TRIP12: variants seen among roughly 807,000 people sequenced by gnomAD.
TRIP12 encodes the protein E3 ubiquitin-protein ligase TRIP12.
Under a neutral mutation model 244.2 loss-of-function variants are expected in TRIP12, and 25 were observed. The ratio of observed to expected loss-of-function variants is 0.10; its 90% CI spans 0.07 to 0.14. The LOEUF (loss-of-function observed/expected upper bound fraction) is 0.14. Ranked by LOEUF, TRIP12 falls within the 10% of genes least tolerant of loss-of-function variation. The pLI, the probability that TRIP12 is intolerant of heterozygous loss-of-function variation, is 1.00. For synonymous variants in TRIP12, 905 were observed against 873.1 expected, an observed-to-expected ratio of 1.04 and a Z score of -0.64; for missense variants, 1,677 against 2,486.4, an observed-to-expected ratio of 0.67 and a Z score of 6.92.
chr2:229,878,703 C>T (rs551339858), intron 2 of TRIP12, among the ~76,000 whole-genome samples: 1 of 151,462 alleles, frequency 6.6e-6, no homozygotes, highest in African/African-American at 2.4e-5. Context: ...GCCTCAGCCT[C>T]CCGAGTAGCT....
chr2:229,890,443 T>C (rs1430225380), intron 1 of TRIP12, among the ~76,000 whole-genome samples: 1 of 152,226 alleles, frequency 6.6e-6, no homozygotes, highest in African/African-American at 2.4e-5. Context: ...AGGACGTCTA[T>C]TCCTGACTTA....
chr2:229,901,019 C>T (rs74839128), intron 1 of TRIP12, among the ~76,000 whole-genome samples: 3 of 151,150 alleles, frequency 2.0e-5, no homozygotes, highest in Non-Finnish European at 2.9e-5. Context: ...CTGCAACCTC[C>T]GTCTCCCGGG....
Position 229,778,744 on chromosome 2 carries a change from T to C in TRIP12, c.5209+132A>G. 5 of 1,335,788 alleles carry C rather than the reference T, an allele frequency of 3.7e-6. No homozygotes were observed. The highest frequency in any genetic ancestry group is 1.4e-5 in the South Asian group (1 of 72,008). 82.7% of individuals were successfully genotyped at this position (1,335,788 alleles called of 1,614,324 possible). A position where few individuals can be genotyped will look rare whatever the true frequency, so the allele number is the denominator to read the frequency against. ...AACTGGACAGGCCTTCCCTATTTGA[T>C]AAATGAGAAAACAGAGGCTAAAAGA... is the stretch of plus-strand genomic sequence containing the variant. On this transcript the variant is annotated intron_variant, in intron 35 of 41. Transcript: ENST00000675903. The surrounding 1 kb of genome is among the most constrained non-coding windows in gnomAD (Gnocchi z 4.1).
intron 39 of TRIP12, among the ~76,000 whole-genome samples, chr2:229,770,140 A>AT (rs975337031): frequency 5.3e-5 from 8 of 151,958 alleles, no homozygotes; most frequent in East Asian, 1.9e-4. Context: ...CCAGCTAATT[A>AT]TTTTTTTTAT....
chr2:229,781,481 G>A (rs979014755), intron 34 of TRIP12, among the ~76,000 whole-genome samples: 1 of 152,192 alleles, frequency 6.6e-6, no homozygotes, highest in Non-Finnish European at 1.5e-5. Flanking sequence ...GGACACTGAT[G>A]AGTTTATGTT....
intron 34 of TRIP12, among the ~76,000 whole-genome samples, chr2:229,781,057 T>C (rs1224606249): frequency 6.6e-6 from 1 of 152,232 alleles, no homozygotes; most frequent in Non-Finnish European, 1.5e-5. Flanking sequence ...CTGTTGTTTC[T>C]AAAAGGATTC....
At chr2:229,826,338 A>G (rs902257136) in intron 8 of TRIP12, among the ~76,000 whole-genome samples, 10 of 152,218 alleles carry the variant, frequency 6.6e-5, no homozygotes, top group African/African-American at 2.4e-4. Context: ...AAAAGAAGAT[A>G]AAGGCTCGAA....
chr2:229,852,699 C>T (rs2058947899), intron 4 of TRIP12, among the ~76,000 whole-genome samples: 1 of 152,190 alleles, frequency 6.6e-6, no homozygotes, highest in East Asian at 1.9e-4. Flanking sequence ...AGCTGGCAAG[C>T]AGCAATGCTT....
chr2:229,832,986 A>C (rs56323970), intron 6 of TRIP12, among the ~76,000 whole-genome samples: 8,881 of 152,264 alleles, frequency 0.058, 870 homozygotes, highest in African/African-American at 0.2. Flanking sequence ...CCATACATTA[A>C]AAAACAAACA....
rs534029110 is a variant in TRIP12, at chr2:229,813,812, A to T, written c.1986+58T>A. On this transcript the variant is annotated intron_variant, in intron 13 of 41. Transcript: ENST00000675903. Reference sequence around the variant, plus strand: ...AAAAATAAAATAAAATAAAATATAAAATTAAAAAAATTAGTAATAAAACAC... The same window carrying T: ...AAAAATAAAATAAAATAAAATATAATATTAAAAAAATTAGTAATAAAACAC... 111 of 1,221,956 alleles carry T rather than the reference A, an allele frequency of 9.1e-5. No homozygotes were observed. In the South Asian group the frequency reaches 3.0e-3, roughly 33 times the overall value. 75.7% of individuals were successfully genotyped at this position (1,221,956 alleles called of 1,614,324 possible).
chr2:229,869,051 A>G (rs935523664), intron 2 of TRIP12, among the ~76,000 whole-genome samples: 2 of 152,226 alleles, frequency 1.3e-5, no homozygotes, highest in Non-Finnish European at 2.9e-5. Flanking sequence ...AGGTATCTGA[A>G]TATCTGAATG....
At chr2:229,922,685 C>T, upstream of TRIP12, 1 of 1,495,378 alleles carries the variant, frequency 6.7e-7, no homozygotes. Context: ...GCAGGCTGTG[C>T]TAGGCCAAGA....
At chr2:229,847,228 C>CA (rs1299129450) in intron 4 of TRIP12, among the ~76,000 whole-genome samples, 1 of 152,206 alleles carries the variant, frequency 6.6e-6, no homozygotes, top group Non-Finnish European at 1.5e-5. Flanking sequence ...CACTCTATTA[C>CA]AAAGTGTTTA....
chr2:229,805,733 T>C lies in TRIP12; in HGVS notation c.2647A>G (p.Thr883Ala), dbSNP rs1236256927. The C allele has an allele frequency of 4.4e-6, 7 of 1,592,084 alleles. No individual in the cohort carries two copies. Among genetic ancestry groups the C allele is most frequent in the Non-Finnish European group, 6.0e-6 (7 of 1,162,758 alleles). Residue 883 changes from threonine to alanine, a missense_variant, in exon 18 of 42, where the codon ACT becomes GCT. Transcript: ENST00000675903. ...RKPNPLANSN[T>A]SGYSESKKDD... is the part of the protein sequence containing the mutation. ...TTTTAACTCAGAATGTACTTACTAG[T>C]GTTACTATTGGCTAACGGGTTAGGT... is the stretch of plus-strand genomic sequence containing the variant.
chr2:229,827,124 CAAA>C (rs2051872145), intron 8 of TRIP12, among the ~76,000 whole-genome samples: 1 of 151,710 alleles, frequency 6.6e-6, no homozygotes, highest in South Asian at 2.1e-4. Context: ...ACTAAAAATA[CAAA>C]AAATTAGCCA....
Position 229,905,728 on chromosome 2 carries a change from A to T in TRIP12, c.-50+16152T>A, listed in dbSNP as rs563809740. Reference sequence around the variant, plus strand: ...AGAAAGTAGTTTTGCAACTCAATGCATATTAAAAGCTGGGGGAGGAGGGTG... The same window carrying T: ...AGAAAGTAGTTTTGCAACTCAATGCTTATTAAAAGCTGGGGGAGGAGGGTG... On this transcript the variant is annotated intron_variant, in intron 1 of 41. Transcript: ENST00000675903. 1.4e-4 allele frequency among the ~76,000 whole-genome samples: 21 copies of T among 152,316 alleles called. No individual in the cohort carries two copies. The South Asian group carries it at 3.9e-3, about 29-fold the overall frequency.
chr2:229,912,559 A>T, intron 1 of TRIP12, among the ~76,000 whole-genome samples: 1 of 152,086 alleles, frequency 6.6e-6, no homozygotes, highest in East Asian at 1.9e-4. Context: ...CCATTCTTCT[A>T]TATCTTCCTC....
intron 9 of TRIP12, among the ~76,000 whole-genome samples, chr2:229,816,264 T>A (rs115399950): frequency 6.6e-6 from 1 of 152,008 alleles, no homozygotes; most frequent in Non-Finnish European, 1.5e-5. Flanking sequence ...CTAAGGACTA[T>A]TTTTGTTTAA....
intron 9 of TRIP12, among the ~76,000 whole-genome samples, chr2:229,817,030 G>A (rs1010453516): frequency 6.6e-6 from 1 of 152,180 alleles, no homozygotes; most frequent in Non-Finnish European, 1.5e-5. Context: ...GGTGGCAGGT[G>A]AAGAAATTGT....
Sources: gnomAD v4.1 joint callset for allele counts (sites outside exome capture counted in the v4.1 genomes callset) on GRCh38, gnomAD v4.1.1 for gene constraint, Gnocchi (gnomAD v3.1) non-coding constraint, MANE v1.5 for transcripts, NCBI Gene and HGNC (gene_info 2026-07-23, HGNC 2026-07-21) for gene names.